The following ACSS3 variants were observed in gnomAD, a reference collection of about 807,000 sequenced individuals.
ACSS3 encodes the protein acyl-CoA synthetase short-chain family member 3, mitochondrial.
ACSS3 carries 64 observed loss-of-function variants against 84.2 expected under a neutral mutation model. The observed-to-expected ratio is 0.76, with a 90% CI of 0.62 to 0.94. The LOEUF is 0.94. Among genes scored for constraint, ACSS3 ranks in the 40% least tolerant of loss-of-function variants. The pLI, the probability that ACSS3 is intolerant of heterozygous loss-of-function variation, is 0.00. For missense variants in ACSS3, 815 were observed against 867.6 expected, an observed-to-expected ratio of 0.94 and a Z score of 0.76; for synonymous variants, 317 against 310.1, an observed-to-expected ratio of 1.02 and a Z score of -0.23.
chr12:81,213,851 C>CTCTCCCCTCT (rs796395158), intron 9 of ACSS3, among the ~76,000 whole-genome samples: 1 of 60,794 alleles, frequency 1.6e-5, no homozygotes, highest in African/African-American at 6.3e-5. Context: ...CTCTCCTCTC[C>CTCTCCCCTCT]TCTCTTCTCT....
intron 7 of ACSS3, among the ~76,000 whole-genome samples, chr12:81,152,591 G>T (rs1293573686): frequency 6.6e-6 from 1 of 152,228 alleles, no homozygotes; most frequent in East Asian, 1.9e-4. Context: ...AAAATTCGAT[G>T]AATATATCAG....
intron 1 of ACSS3, among the ~76,000 whole-genome samples, chr12:81,105,403 C>G (rs1882899708): frequency 1.3e-5 from 2 of 151,994 alleles, no homozygotes; most frequent in African/African-American, 4.8e-5. Flanking sequence ...AGAAAAGAAT[C>G]AATTGAACTG....
intron 12 of ACSS3, among the ~76,000 whole-genome samples, chr12:81,231,874 C>G (rs2033477387): frequency 6.6e-6 from 1 of 151,712 alleles, no homozygotes; most frequent in East Asian, 1.9e-4. Context: ...CCCCCCACCC[C>G]CACCGCCTAA....
At chr12:81,143,272 A>C in intron 5 of ACSS3, 25 bp downstream of exon 5, 1 of 1,512,548 alleles carries the variant, frequency 6.6e-7, no homozygotes, top group Non-Finnish European at 9.0e-7. Flanking sequence ...AGAGATAACT[A>C]TCTATAGCAG....
chr12:81,112,102 C>T (rs186132391), intron 2 of ACSS3, among the ~76,000 whole-genome samples: 11 of 152,116 alleles, frequency 7.2e-5, no homozygotes, highest in Non-Finnish European at 1.2e-4. Context: ...GAGATAATGT[C>T]GATTTCCTGA....
At chr12:81,132,589 T>G (rs1220121583) in intron 2 of ACSS3, among the ~76,000 whole-genome samples, 4 of 152,188 alleles carry the variant, frequency 2.6e-5, no homozygotes, top group Non-Finnish European at 4.4e-5. Flanking sequence ...GCTCCTAGAT[T>G]CATTGATTTT....
intron 13 of ACSS3, among the ~76,000 whole-genome samples, chr12:81,234,509 C>T (rs1246558514): frequency 6.6e-6 from 1 of 151,376 alleles, no homozygotes; most frequent in Non-Finnish European, 1.5e-5. Flanking sequence ...TTTTACATAG[C>T]CACCAGCAGT....
In ACSS3 at chr12:81,143,234, CGGGGTTACCTAA is replaced by C; in HGVS notation, c.911_921+1del. 1 of 1,597,152 alleles carries C rather than the reference CGGGGTTACCTAA, an allele frequency of 6.3e-7. No individual in the cohort carries two copies. The highest frequency in any genetic ancestry group is 1.1e-5 in the South Asian group (1 of 88,680). On this transcript the variant is annotated inframe_deletion and splice_region_variant, in exon 5 of 16. Coordinates refer to ENST00000548058, the MANE Select transcript of ACSS3 (RefSeq NM_024560.4). ...TATATTCTTTACACATCTGGCACAA[CGGGGTTACCTAA>C]GGTACTCACTCTCTTAGAGATAACT...
At position 81,156,797 on chromosome 12, in the gene ACSS3, T is replaced by C. The variant is rs114090167; in HGVS notation, c.1098+4701T>C. On this transcript the variant is annotated intron_variant, in intron 7 of 15. Transcript: ENST00000548058. ...ACTATTAAGAAAATCCAATATGTAA[T>C]TAAATAGACTCCCAACAAGAAATCT... is the stretch of plus-strand genomic sequence containing the variant. Among the ~76,000 whole-genome samples, 1,321 of 152,298 alleles carry C rather than the reference T, an allele frequency of 8.7e-3. 18 individuals are homozygous for C. The highest frequency in any genetic ancestry group is 0.031 in the African/African-American group (1,269 of 41,554).
intron 11 of ACSS3, among the ~76,000 whole-genome samples, chr12:81,230,157 G>A (rs1178226302): frequency 6.6e-6 from 1 of 151,884 alleles, no homozygotes; most frequent in Non-Finnish European, 1.5e-5. Context: ...TTGTGTAAAT[G>A]TGGGAGTGTA....
intron 2 of ACSS3, among the ~76,000 whole-genome samples, chr12:81,122,226 C>T (rs910601978): frequency 9.2e-5 from 14 of 151,928 alleles, no homozygotes; most frequent in African/African-American, 2.7e-4. Context: ...TGAGCCACCG[C>T]GCCCAGCCTA....
At chr12:81,223,866 T>C (rs551190050) in intron 11 of ACSS3, among the ~76,000 whole-genome samples, 1 of 152,066 alleles carries the variant, frequency 6.6e-6, no homozygotes, top group Admixed American at 6.6e-5. Context: ...TAGACCATCT[T>C]TTATCTAGGA....
At chr12:81,130,845 T>G (rs1885448384) in intron 2 of ACSS3, among the ~76,000 whole-genome samples, 1 of 152,214 alleles carries the variant, frequency 6.6e-6, no homozygotes, top group South Asian at 2.1e-4. Flanking sequence ...TTTCTACATA[T>G]AGCTAGCCAG....
rs1349952876 is a variant in ACSS3 at position 81,208,227 on chromosome 12, G to A, written c.1355-8674G>A. 3.3e-5 allele frequency among the ~76,000 whole-genome samples: 5 copies of A among 152,144 alleles called. No individual in the cohort carries two copies. The East Asian group carries it at 5.8e-4, about 18-fold the overall frequency. On this transcript the variant is annotated intron_variant, in intron 9 of 15. Coordinates refer to ENST00000548058, the MANE Select transcript of ACSS3 (RefSeq NM_024560.4). ...ACTAGGTTGCTGCATTGATTTATTCGTAAGTCTTCCACTCGCAGCATGGAC... is the reference window on the plus strand; with the variant it reads ...ACTAGGTTGCTGCATTGATTTATTCATAAGTCTTCCACTCGCAGCATGGAC...
At chr12:81,179,648 T>C (rs1296167901) in intron 8 of ACSS3, among the ~76,000 whole-genome samples, 1 of 151,936 alleles carries the variant, frequency 6.6e-6, no homozygotes, top group Non-Finnish European at 1.5e-5. Flanking sequence ...TGGGTGCCTG[T>C]AATCCCAGCT....
chr12:81,180,817 T>C (rs2030871781), intron 8 of ACSS3, among the ~76,000 whole-genome samples: 1 of 152,184 alleles, frequency 6.6e-6, no homozygotes, highest in Non-Finnish European at 1.5e-5. Flanking sequence ...CGCCAGGTCA[T>C]GGACCTACAT....
intron 7 of ACSS3, among the ~76,000 whole-genome samples, chr12:81,167,509 G>A (rs1203086834): frequency 1.3e-5 from 2 of 152,088 alleles, no homozygotes; most frequent in African/African-American, 2.4e-5. Context: ...AGATCAAGGT[G>A]CTGGAAGGTT....
intron 13 of ACSS3, among the ~76,000 whole-genome samples, chr12:81,245,878 C>A (rs1345231670): frequency 6.6e-6 from 1 of 152,024 alleles, no homozygotes; most frequent in Non-Finnish European, 1.5e-5. Context: ...GTACCAAAAC[C>A]AGAGGTCCCT....
At chr12:81,133,071 A>G (rs530751211) in intron 2 of ACSS3, among the ~76,000 whole-genome samples, 1 of 151,966 alleles carries the variant, frequency 6.6e-6, no homozygotes, top group Non-Finnish European at 1.5e-5. Flanking sequence ...CATAGCACTC[A>G]ATTATAGAGT....
Sources: allele counts gnomAD v4.1 joint callset (sites outside exome capture counted in the v4.1 genomes callset), GRCh38; gene constraint gnomAD v4.1.1; transcripts MANE v1.5; gene names NCBI Gene and HGNC (gene_info 2026-07-23, HGNC 2026-07-21).